ZNF800: variants seen among roughly 807,000 people sequenced by gnomAD.
The protein encoded by ZNF800 is zinc finger protein 800.
Under a neutral mutation model 59.5 loss-of-function variants are expected in ZNF800, and 13 were observed. That is an observed-to-expected ratio of 0.22 (90% CI 0.14 to 0.35). The LOEUF is 0.35. ZNF800 is among the 10% of genes least tolerant of loss of function. The probability of loss-of-function intolerance (pLI) is 1.00; values close to 1 mark genes in which losing one functional copy is unlikely to be tolerated. For synonymous variants in ZNF800, 266 were observed against 265.7 expected (o/e 1.00, Z -0.01); for missense variants, 621 against 783.7 (o/e 0.79, Z 2.48).
intron 4 of ZNF800, among the ~76,000 whole-genome samples, chr7:127,376,036 C>G (rs1159754123): frequency 6.6e-6 from 1 of 151,876 alleles, no homozygotes; most frequent in African/African-American, 2.4e-5. Context: ...TAAATAACTA[C>G]CAAAAGACAA....
chr7:127,371,535 C>G lies in ZNF800; in HGVS notation c.*279G>C, dbSNP rs530732074. On this transcript the variant is annotated 3_prime_UTR_variant, in exon 6 of 6. Coordinates refer to ENST00000265827, the MANE Select transcript of ZNF800 (RefSeq NM_176814.5). ...TTTGTAACATTTTTGTAGAAACTGTCGACCAAATGCACAAGGTCAAGGGTG... is the reference window on the plus strand; with the variant it reads ...TTTGTAACATTTTTGTAGAAACTGTGGACCAAATGCACAAGGTCAAGGGTG... 10 of 313,640 alleles carry G rather than the reference C, an allele frequency of 3.2e-5. No homozygotes were observed. Among genetic ancestry groups the G allele is most frequent in the Non-Finnish European group, 5.2e-5 (9 of 172,002 alleles). 19.4% of individuals were successfully genotyped at this position (313,640 alleles called of 1,614,324 possible).
intron 1 of ZNF800, among the ~76,000 whole-genome samples, chr7:127,348,765 G>C (rs1800118173): frequency 6.6e-6 from 1 of 151,378 alleles, no homozygotes; most frequent in African/African-American, 2.4e-5. Flanking sequence ...TTTCATACAA[G>C]TTTGTTTTAC....
At chr7:127,368,051 A>G (rs953266006), downstream of ZNF800, among the ~76,000 whole-genome samples, 10 of 152,128 alleles carry the variant, frequency 6.6e-5, no homozygotes, top group African/African-American at 2.4e-4. Flanking sequence ...GGAGGAAATG[A>G]GCTGCATTTT....
downstream of ZNF800, among the ~76,000 whole-genome samples, chr7:127,346,159 G>C (rs1800059907): frequency 6.6e-6 from 1 of 152,196 alleles, no homozygotes; most frequent in Non-Finnish European, 1.5e-5. Flanking sequence ...GGAGGATCTT[G>C]TGGTGACAAG....
intron 1 of ZNF800, among the ~76,000 whole-genome samples, chr7:127,358,093 T>G (rs1342641569): frequency 6.6e-6 from 1 of 152,004 alleles, no homozygotes; most frequent in Non-Finnish European, 1.5e-5. Flanking sequence ...CTCTAACCTG[T>G]ATATTCTACT....
chr7:127,366,183 C>T (rs4731353), downstream of ZNF800, among the ~76,000 whole-genome samples: 95,113 of 151,940 alleles, frequency 0.63, 30,201 homozygotes, highest in East Asian at 0.86. Flanking sequence ...CACTGTATGA[C>T]TGTTTCCCCA....
At chr7:127,367,121 G>C (rs1005561018), downstream of ZNF800, among the ~76,000 whole-genome samples, 8 of 152,120 alleles carry the variant, frequency 5.3e-5, no homozygotes, top group African/African-American at 1.7e-4. Flanking sequence ...CCAGACACTA[G>C]AGTTGCACTG....
rs1356546153 is a variant in ZNF800 at position 127,370,193 on chromosome 7, A to C, written c.*1621T>G. 6.6e-6 allele frequency: 1 copy of C among 152,192 alleles called. No homozygotes were observed. The highest frequency in any genetic ancestry group is 2.4e-5 in the African/African-American group (1 of 41,454). 9.4% of individuals were successfully genotyped at this position (152,192 alleles called of 1,614,324 possible). On this transcript the variant is annotated 3_prime_UTR_variant, in exon 6 of 6. Transcript: ENST00000265827. ...ACAAATTTTCAATATGTGGGAAAGTAAATCTGTTTTTAAATTAAAGAGAAA... is the reference window on the plus strand; with the variant it reads ...ACAAATTTTCAATATGTGGGAAAGTCAATCTGTTTTTAAATTAAAGAGAAA...
At chr7:127,351,529 C>T (rs898332245) in intron 1 of ZNF800, 2 of 152,234 alleles carry the variant, frequency 1.3e-5, no homozygotes, top group African/African-American at 2.4e-5. Context: ...AAAAGAATAA[C>T]TCACTTCCCA....
chr7:127,360,715 C>T (rs1159068211), intron 1 of ZNF800: 1 of 151,512 alleles, frequency 6.6e-6, no homozygotes, highest in East Asian at 1.9e-4. Flanking sequence ...CAATCAACAA[C>T]AAAGTTAAAA....
Position 127,391,493 on chromosome 7 carries a change from C to G in ZNF800, c.61+4G>C. On this transcript the variant is annotated splice_donor_region_variant and intron_variant, in intron 2 of 5. Coordinates refer to ENST00000265827, the MANE Select transcript of ZNF800 (RefSeq NM_176814.5). ...AAAGCAACTGCGGACGAAGAGGGGT[C>G]TACCTGGTTCACAGCATCCGTGATG... 6.2e-7 allele frequency: 1 copy of G among 1,614,088 alleles called. No individual in the cohort carries two copies. The highest frequency in any genetic ancestry group is 8.5e-7 in the Non-Finnish European group (1 of 1,179,990).
At chr7:127,379,493 T>G (rs578135358) in intron 3 of ZNF800, among the ~76,000 whole-genome samples, 1 of 152,274 alleles carries the variant, frequency 6.6e-6, no homozygotes, top group African/African-American at 2.4e-5. Context: ...CGGTTTAACT[T>G]AAGAATTCAA....
chr7:127,374,670 G>A lies in ZNF800; in HGVS notation c.666C>T (p.Asp222=), dbSNP rs1800735965. Residue 222 remains aspartate (D), a synonymous_variant, in exon 5 of 6, where the codon GAC becomes GAT. Transcript: ENST00000265827. ...TCAACTGGTGACCAAAATCAGAATT[G>A]TCAGAAGTTTCCAAGTCAGCCTGCG... The part of the protein sequence containing the change: ...QESQADLETS[D]NSDFGHQLIC... 1 of 1,613,812 alleles carries A rather than the reference G, an allele frequency of 6.2e-7. No homozygotes were observed. Among genetic ancestry groups the A allele is most frequent in the African/African-American group, 1.3e-5 (1 of 74,900 alleles).
chr7:127,365,076 T>C (rs2117064032), downstream of ZNF800, among the ~76,000 whole-genome samples: 1 of 152,218 alleles, frequency 6.6e-6, no homozygotes, highest in African/African-American at 2.4e-5. Context: ...AGATTAAGTA[T>C]GAATTTAAAA....
rs1185755422 is a variant in ZNF800, at chr7:127,392,310, C to A, written c.-309G>T. On this transcript the variant is annotated 5_prime_UTR_variant, in exon 1 of 6. Coordinates refer to ENST00000265827, the MANE Select transcript of ZNF800 (RefSeq NM_176814.5). The stretch of plus-strand genomic sequence containing the variant: ...TGCGGCGGCGGCTCACGGCGTCCTC[C>A]GCGCTGTGTGGCTAGGCGGGAGGCG... 2 of 386,642 alleles carry A rather than the reference C, an allele frequency of 5.2e-6. No homozygotes were observed. The highest frequency in any genetic ancestry group is 4.6e-6 in the Non-Finnish European group (1 of 218,352). The allele number at this position is 386,642 out of a possible 1,614,324, so 24.0% of individuals were successfully genotyped here. A position where few individuals can be genotyped will look rare whatever the true frequency, so the allele number is the denominator to read the frequency against.
chr7:127,385,621 G>A (rs1353646532), intron 3 of ZNF800, among the ~76,000 whole-genome samples: 3 of 152,062 alleles, frequency 2.0e-5, no homozygotes, highest in Non-Finnish European at 2.9e-5. Context: ...GATGAAGGAG[G>A]TGATCACACA....
intron 3 of ZNF800, among the ~76,000 whole-genome samples, chr7:127,379,960 C>T (rs1205322942): frequency 6.6e-6 from 1 of 150,458 alleles, no homozygotes; most frequent in Non-Finnish European, 1.5e-5. Context: ...TCCACAGATA[C>T]ACCAAATGTA....
chr7:127,343,417 A>T (rs182130247), downstream of ZNF800, among the ~76,000 whole-genome samples: 3 of 151,882 alleles, frequency 2.0e-5, no homozygotes, highest in East Asian at 5.8e-4. Context: ...ATATATAGAC[A>T]ACAAATTTTA....
intron 1 of ZNF800, chr7:127,361,826 A>G (rs1378169290): frequency 6.6e-6 from 1 of 152,098 alleles, no homozygotes; most frequent in Admixed American, 6.6e-5. Context: ...ATTCTTGATG[A>G]CTCTGGATGA....
Sources: gnomAD v4.1 joint callset for allele counts (sites outside exome capture counted in the v4.1 genomes callset) on GRCh38, gnomAD v4.1.1 for gene constraint, MANE v1.5 for transcripts, NCBI Gene and HGNC (gene_info 2026-07-23, HGNC 2026-07-21) for gene names.